The following NCOR1 variants were observed in gnomAD, a reference collection of about 807,000 sequenced individuals.
The protein encoded by NCOR1 is nuclear receptor corepressor 1.
NCOR1 carries 63 observed loss-of-function variants against 288.1 expected under a neutral mutation model. That is an observed-to-expected ratio of 0.22 (90% CI 0.18 to 0.27). The LOEUF is 0.27. NCOR1 is among the 10% of genes least tolerant of loss of function. The pLI, the probability that NCOR1 is intolerant of heterozygous loss-of-function variation, is 1.00. For synonymous variants in NCOR1, 1,007 were observed against 1,065.9 expected (o/e 0.94, Z 1.08); for missense variants, 2,397 against 3,019.2 (o/e 0.79, Z 4.83).
At chr17:16,033,165 G>A (rs1290726820) in intron 45 of NCOR1, among the ~76,000 whole-genome samples, 2 of 151,868 alleles carry the variant, frequency 1.3e-5, no homozygotes, top group East Asian at 3.9e-4. Flanking sequence ...GACCAACATG[G>A]AGAAACCCCA....
intron 14 of NCOR1, among the ~76,000 whole-genome samples, chr17:16,129,754 T>C (rs1008884776): frequency 6.6e-6 from 1 of 152,100 alleles, no homozygotes; most frequent in Non-Finnish European, 1.5e-5. Flanking sequence ...AGAAAACGGT[T>C]TATGGCCTAA....
intron 1 of NCOR1, among the ~76,000 whole-genome samples, chr17:16,199,952 C>T (rs79248620): frequency 1.3e-5 from 2 of 152,046 alleles, no homozygotes; most frequent in African/African-American, 4.8e-5. Flanking sequence ...ACAGGTAATA[C>T]AATATTGCAA....
At chr17:16,162,822 A>T (rs1171737225) in intron 5 of NCOR1, among the ~76,000 whole-genome samples, 5 of 152,182 alleles carry the variant, frequency 3.3e-5, no homozygotes, top group Non-Finnish European at 4.4e-5. Flanking sequence ...GAGTTGCGAG[A>T]AGAAATGGTG....
At chr17:16,181,211 A>ATGTGTGTATGTG (rs2085377859) in intron 3 of NCOR1, among the ~76,000 whole-genome samples, 1 of 139,498 alleles carries the variant, frequency 7.2e-6, no homozygotes, top group African/African-American at 2.6e-5. Flanking sequence ...ATATATATGT[A>ATGTGTGTATGTG]TGTGTGTGTG....
Position 16,138,992 on chromosome 17 carries a change from T to TTAAAATA in NCOR1, c.1352+9_1352+15dup, listed in dbSNP as rs1400669055. 3.4e-6 allele frequency: 5 copies of TTAAAATA among 1,488,666 alleles called. No homozygotes were observed. The African/African-American group carries it at 7.1e-5, about 21-fold the overall frequency. 92.2% of individuals were successfully genotyped at this position (1,488,666 alleles called of 1,614,324 possible). A position where few individuals can be genotyped will look rare whatever the true frequency, so the allele number is the denominator to read the frequency against. The stretch of plus-strand genomic sequence containing the variant: ...ATGTAGATGTCTATTAGAGAATAAT[T>TTAAAATA]TAAAATATAAATTACTTGTCCTTAA... On this transcript the variant is annotated intron_variant, in intron 12 of 45. Coordinates refer to ENST00000268712, the MANE Select transcript of NCOR1 (RefSeq NM_006311.4).
intron 3 of NCOR1, among the ~76,000 whole-genome samples, chr17:16,174,066 A>G (rs191745769): frequency 6.6e-6 from 1 of 152,382 alleles, no homozygotes; most frequent in Admixed American, 6.5e-5. Context: ...CTTAATACAT[A>G]GTAAGAAATC....
chr17:16,175,115 C>A (rs1475333013), intron 3 of NCOR1, among the ~76,000 whole-genome samples: 1 of 151,994 alleles, frequency 6.6e-6, no homozygotes. Flanking sequence ...CGCCTGTAAT[C>A]CCAAGACTTT....
chr17:16,111,142 T>C (rs1390942436), intron 18 of NCOR1, among the ~76,000 whole-genome samples: 1 of 152,176 alleles, frequency 6.6e-6, no homozygotes, highest in Non-Finnish European at 1.5e-5. Flanking sequence ...CCCATTCTGT[T>C]TGGTCCTTTC....
Position 16,185,683 on chromosome 17 carries a change from C to CAAAA in NCOR1, c.242+867_242+870dup, listed in dbSNP as rs58712974. Reference sequence around the variant, plus strand: ...GGGTGACAAGAGTGAGACTCTTTCTCAAAAAAAAAAAAAAAAAAAAAAAAA... The same window carrying CAAAA: ...GGGTGACAAGAGTGAGACTCTTTCTCAAAAAAAAAAAAAAAAAAAAAAAAAAAAA... On this transcript the variant is annotated intron_variant, in intron 3 of 45. Transcript: ENST00000268712. Among the ~76,000 whole-genome samples, 234 of 33,376 alleles carry CAAAA rather than the reference C, an allele frequency of 7.0e-3. 21 individuals carry two copies. The highest frequency in any genetic ancestry group is 0.013 in the African/African-American group (110 of 8,458). 21.9% of individuals were successfully genotyped at this position (33,376 alleles called of 152,430 possible).
At chr17:16,170,617 G>A (rs773686225) in intron 4 of NCOR1, among the ~76,000 whole-genome samples, 4 of 151,870 alleles carry the variant, frequency 2.6e-5, no homozygotes, top group Non-Finnish European at 5.9e-5. Flanking sequence ...GGCAGATCAC[G>A]AGGTCAGGAG....
chr17:16,203,604 T>C (rs535371001), intron 1 of NCOR1, among the ~76,000 whole-genome samples: 1 of 152,348 alleles, frequency 6.6e-6, no homozygotes, highest in African/African-American at 2.4e-5. Flanking sequence ...TAATCTGAAA[T>C]GGATTACGTA....
At chr17:16,044,864 C>T in intron 42 of NCOR1, 1 of 803,858 alleles carries the variant, frequency 1.2e-6, no homozygotes, top group Non-Finnish European at 2.1e-6. Flanking sequence ...ATCCTGCCCA[C>T]TCCACTGCTG....
intron 18 of NCOR1, among the ~76,000 whole-genome samples, chr17:16,117,485 T>C (rs1349466965): frequency 6.8e-6 from 1 of 147,980 alleles, no homozygotes; most frequent in Non-Finnish European, 1.5e-5. Context: ...TACAAAAAGG[T>C]TTCTCTTAAA....
At chr17:16,045,145 T>C in intron 42 of NCOR1, 1 of 212,960 alleles carries the variant, frequency 4.7e-6, no homozygotes, top group Non-Finnish European at 9.4e-6. Context: ...AATACTTGCA[T>C]ATCAACCCAG....
intron 17 of NCOR1, 100 bp downstream of exon 17, chr17:16,119,323 A>AT: frequency 3.5e-5 from 31 of 882,860 alleles, no homozygotes; most frequent in Non-Finnish European, 4.2e-5. Context: ...TTTTGAAAGA[A>AT]TTTTTTTTCC....
rs1971837891 is a variant in NCOR1 at position 16,030,706 on chromosome 17, T to A, written c.*1590A>T. ...CAGGGACAGGAGTGAAAGCTTTGAC[T>A]GAAGACAAATGTGGGCTTATGGCCT... On this transcript the variant is annotated 3_prime_UTR_variant, in exon 46 of 46. Coordinates refer to ENST00000268712, the MANE Select transcript of NCOR1 (RefSeq NM_006311.4). 5.6e-6 allele frequency: 1 copy of A among 179,486 alleles called. No homozygotes were observed. Among genetic ancestry groups the A allele is most frequent in the African/African-American group, 2.4e-5 (1 of 42,364 alleles). 11.1% of individuals were successfully genotyped at this position (179,486 alleles called of 1,614,324 possible).
chr17:16,071,278 G>T, intron 30 of NCOR1, 131 bp downstream of exon 30: 1 of 1,308,958 alleles, frequency 7.6e-7, no homozygotes, highest in Non-Finnish European at 1.0e-6. Flanking sequence ...AAAAAAAAAA[G>T]GTACAGGAAA....
intron 3 of NCOR1, 95 bp downstream of exon 3, chr17:16,186,459 G>T: frequency 7.6e-7 from 1 of 1,321,182 alleles, no homozygotes; most frequent in Non-Finnish European, 1.0e-6. Context: ...ACCAGTCATG[G>T]CTTGGTTAAT....
chr17:16,098,495 T>A lies in NCOR1; in HGVS notation c.2692A>T (p.Met898Leu), dbSNP rs958032693. Residue 898 changes from methionine (M) to leucine (L), a missense_variant and splice_region_variant, in exon 21 of 46, where the codon ATG becomes TTG. By Grantham distance (15) the Met-to-Leu change is conservative. This residue lies in a region of NCOR1 where 1,872 missense variants were observed against 2,187.8 expected (regional missense o/e 0.86). Coordinates refer to ENST00000268712, the MANE Select transcript of NCOR1 (RefSeq NM_006311.4). ...DVDGEPERQR[M>L]FPMDSKPSLL... ...GAAGGCTTTGAGTCCATAGGAAACA[T>A]TCTGCAATTGCAATTTAAAAAAAAG... The A allele has an allele frequency of 6.2e-7, 1 of 1,602,346 alleles. No homozygotes were observed. The highest frequency in any genetic ancestry group is 8.5e-7 in the Non-Finnish European group (1 of 1,175,304).
Sources: allele counts gnomAD v4.1 joint callset (sites outside exome capture counted in the v4.1 genomes callset), GRCh38; gene constraint gnomAD v4.1.1; regional missense constraint gnomAD v4.1.1; transcripts MANE v1.5; gene names NCBI Gene and HGNC (gene_info 2026-07-23, HGNC 2026-07-21).